Variants in CTBP2 observed in about 807,000 individuals in gnomAD.
The protein encoded by CTBP2 is C-terminal-binding protein 2.
A neutral mutation model predicts 80.3 loss-of-function variants in CTBP2; 30 were observed. The observed-to-expected ratio is 0.37, with a 90% confidence interval of 0.28 to 0.51. CTBP2 has a LOEUF of 0.51. Among genes scored for constraint, CTBP2 ranks in the 20% least tolerant of loss-of-function variants. The pLI is 0.93. For missense variants in CTBP2, 1,212 were observed against 1,375.3 expected (o/e 0.88, Z 1.88); for synonymous variants, 594 against 587.4 (o/e 1.01, Z -0.16).
upstream of CTBP2, chr10:125,160,542 A>C (rs1861765010): frequency 1.3e-5 from 2 of 148,690 alleles, no homozygotes; most frequent in African/African-American, 5.0e-5. Context: ...ACACGCACAC[A>C]GGGACACACA....
In CTBP2 at chr10:125,027,427, G is replaced by T. The variant is rs1232362010; in HGVS notation, c.333C>A (p.Tyr111Ter). The change falls in exon 1 of 9, where the codon TAC (tyrosine) becomes TAA (stop). Residue 111 changes from tyrosine to a stop codon, truncating the protein, a stop_gained. Transcript: ENST00000309035. LOFTEE classifies it high-confidence loss of function. ...CCCTAGCAGCTCCAGACGGATCACTGTAGTACTCCCGTGGCAGCAGGGGGC... is the reference window on the plus strand; with the variant it reads ...CCCTAGCAGCTCCAGACGGATCACTTTAGTACTCCCGTGGCAGCAGGGGGC... The T allele has an allele frequency of 6.2e-7, 1 of 1,614,118 alleles. No homozygotes were observed.
intron 2 of CTBP2, among the ~76,000 whole-genome samples, chr10:125,052,105 G>A (rs550309644): frequency 1.2e-4 from 19 of 152,326 alleles, no homozygotes; most frequent in African/African-American, 4.6e-4. Context: ...ACAGACGGGA[G>A]GCTCGCACCT....
At chr10:125,006,411 C>T (rs1208177640) in intron 1 of CTBP2, among the ~76,000 whole-genome samples, 1 of 152,176 alleles carries the variant, frequency 6.6e-6, no homozygotes, top group Non-Finnish European at 1.5e-5. Context: ...TTAGCTGGGA[C>T]AATGCCAAGG....
rs762488364 is a variant in CTBP2, at chr10:125,064,043, T to C, written c.-101-24888A>G. Among the ~76,000 whole-genome samples, 95 of 118,200 alleles carry C rather than the reference T, an allele frequency of 8.0e-4. 1 individual carries two copies. Among genetic ancestry groups the C allele is most frequent in the Non-Finnish European group, 1.6e-4 (9 of 54,744 alleles). The allele number at this position is 118,200 out of a possible 152,430, so 77.5% of individuals were successfully genotyped here. A position where few individuals can be genotyped will look rare whatever the true frequency, so the allele number is the denominator to read the frequency against. ...CCAATTCCACATAGGAATCCAGTTATTTAAAATGCATTAAAAAAATAAATC... is the reference window on the plus strand; with the variant it reads ...CCAATTCCACATAGGAATCCAGTTACTTAAAATGCATTAAAAAAATAAATC... On this transcript the variant is annotated intron_variant, in intron 2 of 10. Coordinates refer to the CTBP2 transcript ENST00000337195.
chr10:125,124,191 G>A (rs1485390401), intron 1 of CTBP2, among the ~76,000 whole-genome samples: 3 of 152,158 alleles, frequency 2.0e-5, no homozygotes, highest in African/African-American at 7.2e-5. Context: ...CTCGAGCCTG[G>A]GGACCTTGCT....
intron 2 of CTBP2, among the ~76,000 whole-genome samples, chr10:125,103,788 G>C (rs1406627631): frequency 1.3e-5 from 2 of 152,128 alleles, no homozygotes; most frequent in African/African-American, 2.4e-5. Flanking sequence ...CTACAAACCT[G>C]CAGTGTCCGG....
chr10:124,993,766 T>C, intron 6 of CTBP2, 89 bp downstream of exon 8: 10 of 1,477,248 alleles, frequency 6.8e-6, no homozygotes, highest in Non-Finnish European at 9.1e-6. Context: ...GGGACCTGTT[T>C]GGGAAAAGGG....
In CTBP2 at chr10:125,022,520, C is replaced by T. The variant is rs114546783; in HGVS notation, c.1678+3562G>A. Among the ~76,000 whole-genome samples, 596 of 143,894 alleles carry T rather than the reference C, an allele frequency of 4.1e-3. 4 individuals carry two copies. Among genetic ancestry groups the T allele is most frequent in the African/African-American group, 0.017 (569 of 33,690 alleles). 94.4% of individuals were successfully genotyped at this position (143,894 alleles called of 152,430 possible). A position where few individuals can be genotyped will look rare whatever the true frequency, so the allele number is the denominator to read the frequency against. On this transcript the variant is annotated intron_variant, in intron 1 of 8. Coordinates refer to ENST00000309035, the MANE Select transcript of CTBP2 (RefSeq NM_022802.3). ...GAAGGAAGGAAGGAACAGCAGGGGACAGGTCAATGAGGAAGGAAGGAAGAA... is the reference window on the plus strand; with the variant it reads ...GAAGGAAGGAAGGAACAGCAGGGGATAGGTCAATGAGGAAGGAAGGAAGAA...
rs1019151920 is a variant in CTBP2 at position 125,016,876 on chromosome 10, T to A, written c.1678+9206A>T. 2.6e-5 allele frequency among the ~76,000 whole-genome samples: 4 copies of A among 152,230 alleles called. No individual in the cohort carries two copies. The East Asian group carries it at 7.7e-4, about 29-fold the overall frequency. On this transcript the variant is annotated intron_variant, in intron 1 of 8. Transcript: ENST00000309035. ...CCCATCACAAAGGCATATTTATTCCTTCATATAAAAAGCATCTAATAGGCA... is the reference window on the plus strand; with the variant it reads ...CCCATCACAAAGGCATATTTATTCCATCATATAAAAAGCATCTAATAGGCA...
rs200438486 is a variant in CTBP2 at position 124,986,965 on chromosome 10, A to ATTAT, written c.*2549_*2552dup. Reference sequence around the variant, plus strand: ...GAGTGTTGTTTCCCCTGAGCGCTCTATTATTTATTTATTTATTATCAATCA... The same window carrying ATTAT: ...GAGTGTTGTTTCCCCTGAGCGCTCTATTATTTATTTATTTATTTATTATCAATCA... On this transcript the variant is annotated 3_prime_UTR_variant, in exon 9 of 9. Transcript: ENST00000309035. The ATTAT allele has an allele frequency of 3.1e-4, 39 of 126,784 alleles. No homozygotes were observed. Among genetic ancestry groups the ATTAT allele is most frequent in the East Asian group, 9.9e-4 (5 of 5,064 alleles). The allele number at this position is 126,784 out of a possible 1,614,324, so 7.9% of individuals were successfully genotyped here.
intron 1 of CTBP2, among the ~76,000 whole-genome samples, chr10:125,021,194 C>T (rs1957004456): frequency 6.6e-6 from 1 of 152,180 alleles, no homozygotes; most frequent in African/African-American, 2.4e-5. Flanking sequence ...AAGAAAAGCG[C>T]CATTCCCCGC....
intron 2 of CTBP2, among the ~76,000 whole-genome samples, chr10:125,065,748 G>T (rs1377605556): frequency 6.6e-6 from 1 of 152,162 alleles, no homozygotes; most frequent in African/African-American, 2.4e-5. Flanking sequence ...TGAAGAAGCT[G>T]AGGGTCACTG....
intron 1 of CTBP2, among the ~76,000 whole-genome samples, chr10:125,123,063 T>G (rs1471515699): frequency 3.9e-5 from 6 of 152,208 alleles, no homozygotes; most frequent in Non-Finnish European, 7.3e-5. Context: ...TTGCCAGGCT[T>G]AGAGACCAGG....
chr10:125,146,915 C>T (rs1390511037), intron 1 of CTBP2, among the ~76,000 whole-genome samples: 1 of 152,144 alleles, frequency 6.6e-6, no homozygotes, highest in Non-Finnish European at 1.5e-5. Context: ...TGATTAATTA[C>T]CACCCCATTG....
chr10:125,132,775 T>C (rs1298206019), intron 1 of CTBP2, among the ~76,000 whole-genome samples: 1 of 152,206 alleles, frequency 6.6e-6, no homozygotes, highest in African/African-American at 2.4e-5. Context: ...TCCACGACAT[T>C]CAAGTGAGAA....
At chr10:124,997,898 G>A (rs1199330491) in intron 4 of CTBP2, 66 bp downstream of exon 6, 2 of 1,528,774 alleles carry the variant, frequency 1.3e-6, no homozygotes, top group Non-Finnish European at 8.8e-7. Context: ...CCTTTCCCGA[G>A]GGGTCCCCAC....
At chr10:125,091,013 C>T (rs1848683347) in intron 2 of CTBP2, among the ~76,000 whole-genome samples, 1 of 152,198 alleles carries the variant, frequency 6.6e-6, no homozygotes, top group African/African-American at 2.4e-5. Flanking sequence ...AAGGCAGAGG[C>T]AGGAATTGAG....
Position 125,116,167 on chromosome 10 carries a change from C to G in CTBP2, c.-205-5074G>C, listed in dbSNP as rs113105054. 2.8e-4 allele frequency among the ~76,000 whole-genome samples: 42 copies of G among 152,274 alleles called. 1 individual carries two copies. The highest frequency in any genetic ancestry group is 9.9e-4 in the African/African-American group (41 of 41,556). On this transcript the variant is annotated intron_variant, in intron 1 of 10. Coordinates refer to the CTBP2 transcript ENST00000337195. ...CCAGGCCCGAACCCAGCACTCAGCC[C>G]CCGCCCCACTGTTGCCCAAACCACC...
chr10:125,098,052 C>T (rs545897632), intron 2 of CTBP2, among the ~76,000 whole-genome samples: 2 of 152,158 alleles, frequency 1.3e-5, no homozygotes, highest in South Asian at 2.1e-4. Flanking sequence ...ACCCAGGAGG[C>T]GGAGATCGCA....
Sources: allele counts gnomAD v4.1 joint callset (sites outside exome capture counted in the v4.1 genomes callset), GRCh38; gene constraint gnomAD v4.1.1; transcripts MANE v1.5; gene names NCBI Gene and HGNC (gene_info 2026-07-23, HGNC 2026-07-21).